Variants in ZNF804A observed in about 807,000 individuals in gnomAD.
The protein encoded by ZNF804A is zinc finger protein 804A.
In ZNF804A, 2 loss-of-function variants were observed where a neutral mutation model predicts 16.5. That is an observed-to-expected ratio of 0.12 (90% confidence interval 0.05 to 0.38). ZNF804A has a LOEUF of 0.38. Among genes scored for constraint, ZNF804A ranks in the 10% least tolerant of loss-of-function variants. ZNF804A has a pLI of 0.99. For synonymous variants in ZNF804A, 534 were observed against 489.6 expected, an observed-to-expected ratio of 1.09 and a Z score of -1.20; for missense variants, 1,473 against 1,390.7, an observed-to-expected ratio of 1.06 and a Z score of -0.94.
intron 1 of ZNF804A, among the ~76,000 whole-genome samples, chr2:184,647,088 A>G (rs962966762): frequency 7.2e-5 from 11 of 152,254 alleles, no homozygotes; most frequent in Non-Finnish European, 1.3e-4. Context: ...ACACAGGCCA[A>G]TAGAAACCTG....
intron 2 of ZNF804A, among the ~76,000 whole-genome samples, chr2:184,881,944 C>T (rs1331622437): frequency 6.6e-6 from 1 of 152,012 alleles, no homozygotes; most frequent in Non-Finnish European, 1.5e-5. Flanking sequence ...CATATCAATA[C>T]TACCCTTGAA....
intron 2 of ZNF804A, among the ~76,000 whole-genome samples, chr2:184,895,313 A>C (rs1206071918): frequency 6.6e-6 from 1 of 152,040 alleles, no homozygotes; most frequent in Non-Finnish European, 1.5e-5. Flanking sequence ...TGGACAGAGG[A>C]CAGGGACCTC....
intron 1 of ZNF804A, among the ~76,000 whole-genome samples, chr2:184,809,140 CTG>C (rs1694854083): frequency 6.6e-6 from 1 of 151,754 alleles, no homozygotes; most frequent in African/African-American, 2.4e-5. Flanking sequence ...ATATATCATG[CTG>C]TGTATGGCAT....
rs143627773 is a variant in ZNF804A, at chr2:184,677,661, G to C, written c.111+78591G>C. 1.5e-4 allele frequency among the ~76,000 whole-genome samples: 23 copies of C among 151,928 alleles called. No homozygotes were observed. The East Asian group carries it at 4.2e-3, about 28-fold the overall frequency. On this transcript the variant is annotated intron_variant, in intron 1 of 3. Transcript: ENST00000302277. ...CTTTGTCTATATATTTTAAGTAATA[G>C]TTATTATTATTTAAGAACAAAATCA...
At chr2:184,675,181 C>T (rs1001247170) in intron 1 of ZNF804A, among the ~76,000 whole-genome samples, 1 of 151,756 alleles carries the variant, frequency 6.6e-6, no homozygotes, top group Non-Finnish European at 1.5e-5. Context: ...TGTGTATTCA[C>T]ACAAAGAGAC....
intron 1 of ZNF804A, among the ~76,000 whole-genome samples, chr2:184,692,616 GTTTTACAGC>G (rs1233576533): frequency 6.6e-6 from 1 of 151,996 alleles, no homozygotes; most frequent in Non-Finnish European, 1.5e-5. Flanking sequence ...AAACCCTGAG[GTTTTACAGC>G]TTCAAAGAAA....
chr2:184,707,411 G>GTACC (rs1308606376), intron 1 of ZNF804A, among the ~76,000 whole-genome samples: 1 of 152,106 alleles, frequency 6.6e-6, no homozygotes, highest in African/African-American at 2.4e-5. Context: ...AGTGAGCATA[G>GTACC]TACCCAGTAG....
At chr2:184,714,167 G>C (rs1693178466) in intron 1 of ZNF804A, among the ~76,000 whole-genome samples, 1 of 151,970 alleles carries the variant, frequency 6.6e-6, no homozygotes, top group African/African-American at 2.4e-5. Context: ...TGGTTGATCT[G>C]CTTCAAATGG....
intron 1 of ZNF804A, among the ~76,000 whole-genome samples, chr2:184,685,774 C>A (rs1218548018): frequency 6.6e-6 from 1 of 152,148 alleles, no homozygotes; most frequent in Admixed American, 6.5e-5. Context: ...CGCTTCAGGC[C>A]CCCAGGCTTC....
intron 1 of ZNF804A, among the ~76,000 whole-genome samples, chr2:184,662,974 G>T (rs1159208621): frequency 1.3e-5 from 2 of 152,132 alleles, no homozygotes; most frequent in East Asian, 3.8e-4. Flanking sequence ...CATTTTATTA[G>T]GTTACCATAC....
intron 1 of ZNF804A, among the ~76,000 whole-genome samples, chr2:184,618,624 A>G (rs991435995): frequency 6.6e-6 from 1 of 152,078 alleles, no homozygotes; most frequent in Non-Finnish European, 1.5e-5. Context: ...CTGTAAACCT[A>G]GGGACGACTG....
intron 2 of ZNF804A, among the ~76,000 whole-genome samples, chr2:184,883,205 A>G (rs947417976): frequency 1.4e-4 from 22 of 152,060 alleles, no homozygotes; most frequent in Admixed American, 1.4e-3. Flanking sequence ...AACACATACA[A>G]CCATCCAAGA....
intron 1 of ZNF804A, among the ~76,000 whole-genome samples, chr2:184,638,034 T>G (rs1338481465): frequency 3.3e-5 from 5 of 152,186 alleles, no homozygotes; most frequent in Admixed American, 6.5e-5. Flanking sequence ...TCCCCTTGTC[T>G]GAACTTGGCT....
intron 2 of ZNF804A, 78 bp downstream of exon 2, chr2:184,866,590 G>C: frequency 1.7e-6 from 2 of 1,173,612 alleles, no homozygotes; most frequent in Non-Finnish European, 2.3e-6. Context: ...CTATGAATAT[G>C]ATATGATATT....
At chr2:184,777,853 T>G (rs6434102) in intron 1 of ZNF804A, among the ~76,000 whole-genome samples, 7 of 151,498 alleles carry the variant, frequency 4.6e-5, no homozygotes, top group African/African-American at 1.7e-4. Flanking sequence ...GATGAACCAC[T>G]GTGTTTACCA....
At position 184,936,777 on chromosome 2, in the gene ZNF804A, T is replaced by C; in HGVS notation, c.1381T>C (p.Cys461Arg). The change falls in exon 4 of 4, where the codon TGT (cysteine) becomes CGT (arginine). Residue 461 changes from cysteine to arginine, a missense_variant. Coordinates refer to ENST00000302277, the MANE Select transcript of ZNF804A (RefSeq NM_194250.2). ...AATTTCCTATAGCTGTAATCCTCTATGTTTTGACTTCAAGTCTACTAAAGT... is the reference window on the plus strand; with the variant it reads ...AATTTCCTATAGCTGTAATCCTCTACGTTTTGACTTCAAGTCTACTAAAGT... ...PSISYSCNPL[C>R]FDFKSTKVNN... is the part of the protein sequence containing the mutation. The C allele has an allele frequency of 6.2e-7, 1 of 1,613,830 alleles. No homozygotes were observed.
chr2:184,745,987 A>T (rs894244854), intron 1 of ZNF804A, among the ~76,000 whole-genome samples: 1 of 151,638 alleles, frequency 6.6e-6, no homozygotes, highest in African/African-American at 2.4e-5. Flanking sequence ...TTTTGTTCCT[A>T]TACTTTTTAA....
At chr2:184,904,899 C>T (rs1685246819) in intron 2 of ZNF804A, among the ~76,000 whole-genome samples, 1 of 152,052 alleles carries the variant, frequency 6.6e-6, no homozygotes, top group South Asian at 2.1e-4. Flanking sequence ...TAAGTATTAT[C>T]TATTTACCCA....
chr2:184,766,079 C>A (rs1307753383), intron 1 of ZNF804A, among the ~76,000 whole-genome samples: 2 of 152,038 alleles, frequency 1.3e-5, no homozygotes, highest in Non-Finnish European at 2.9e-5. Flanking sequence ...AATTTTGCCC[C>A]ACAACATGTA....
Sources: gnomAD v4.1 joint callset for allele counts (sites outside exome capture counted in the v4.1 genomes callset) on GRCh38, gnomAD v4.1.1 for gene constraint, MANE v1.5 for transcripts, NCBI Gene and HGNC (gene_info 2026-07-23, HGNC 2026-07-21) for gene names.